SATB1: variants seen among roughly 807,000 people sequenced by gnomAD.
The protein encoded by SATB1 is SATB homeobox 1, also known as DNA-binding protein SATB1.
A neutral mutation model predicts 86.9 loss-of-function variants in SATB1; 11 were observed. That is an observed-to-expected ratio of 0.13 (90% CI 0.08 to 0.21). SATB1 has a LOEUF of 0.21. Among genes scored for constraint, SATB1 ranks in the 10% least tolerant of loss-of-function variants. The pLI is 1.00. For missense variants in SATB1, 551 were observed against 937.6 expected, an observed-to-expected ratio of 0.59 and a Z score of 5.39; for synonymous variants, 357 against 357.2, an observed-to-expected ratio of 1.00 and a Z score of 0.01.
At chr3:18,392,653 T>C (rs191402852) in intron 7 of SATB1, among the ~76,000 whole-genome samples, 140 of 152,078 alleles carry the variant, frequency 9.2e-4, no homozygotes, top group Non-Finnish European at 1.6e-3. Flanking sequence ...TGTGGGCTTT[T>C]AACTCAATTC....
chr3:18,409,567 C>G (rs1697725642), intron 5 of SATB1: 1 of 151,958 alleles, frequency 6.6e-6, no homozygotes, highest in African/African-American at 2.4e-5. Context: ...ATGGATCCCA[C>G]CATTACAGTA....
At chr3:18,351,498 G>T in intron 10 of SATB1, 1 of 944,276 alleles carries the variant, frequency 1.1e-6, no homozygotes, top group Non-Finnish European at 1.6e-6. Context: ...GTGAAGGAAG[G>T]GCCAAGGACT....
intron 9 of SATB1, among the ~76,000 whole-genome samples, chr3:18,369,711 TG>T (rs992061278): frequency 2.1e-5 from 2 of 94,858 alleles, no homozygotes; most frequent in South Asian, 3.6e-4. Context: ...CTGTAAGGGA[TG>T]GGGGGGTGGG....
At chr3:18,351,535 C>G (rs773670043) in intron 10 of SATB1, 1 of 656,026 alleles carries the variant, frequency 1.5e-6, no homozygotes, top group Non-Finnish European at 2.6e-6. Flanking sequence ...ATTAAGCTTC[C>G]CTCCCCTCCT....
intron 9 of SATB1, among the ~76,000 whole-genome samples, chr3:18,356,131 C>T (rs960396560): frequency 1.3e-5 from 2 of 151,808 alleles, no homozygotes; most frequent in African/African-American, 4.8e-5. Flanking sequence ...GCTGAAAATG[C>T]CATGCAGATG....
At chr3:18,400,789 T>C (rs1262858370) in intron 5 of SATB1, among the ~76,000 whole-genome samples, 1 of 152,166 alleles carries the variant, frequency 6.6e-6, no homozygotes, top group Non-Finnish European at 1.5e-5. Flanking sequence ...TCAGATAAAA[T>C]TTTCAAATGA....
chr3:18,417,161 C>T, intron 2 of SATB1, 83 bp from the exon 3 acceptor site: 2 of 1,380,230 alleles, frequency 1.4e-6, no homozygotes, highest in Non-Finnish European at 2.0e-6. Flanking sequence ...GAAATATTAG[C>T]CATGAAAATA....
At chr3:18,414,048 T>C (rs188381604) in intron 5 of SATB1, among the ~76,000 whole-genome samples, 1 of 152,116 alleles carries the variant, frequency 6.6e-6, no homozygotes, top group Admixed American at 6.6e-5. Flanking sequence ...GAAATACACT[T>C]TGAGATCTCT....
Position 18,346,026 on chromosome 3 carries a change from A to AACTC in SATB1, c.*3140_*3143dup, listed in dbSNP as rs1167381230. On this transcript the variant is annotated 3_prime_UTR_variant, in exon 11 of 11. Coordinates refer to ENST00000338745, the MANE Select transcript of SATB1 (RefSeq NM_002971.6). ...ACTTTGAAAAAAATCACTTATTTTA[A>AACTC]ACTCAGAATTTCTTAGTACTAAATG... 1 of 152,100 alleles carries AACTC rather than the reference A, an allele frequency of 6.6e-6. No homozygotes were observed. The highest frequency in any genetic ancestry group is 2.4e-5 in the African/African-American group (1 of 41,434). 9.4% of individuals were successfully genotyped at this position (152,100 alleles called of 1,614,324 possible).
At chr3:18,376,275 G>A (rs1253798872) in intron 9 of SATB1, among the ~76,000 whole-genome samples, 1 of 152,106 alleles carries the variant, frequency 6.6e-6, no homozygotes, top group African/African-American at 2.4e-5. Context: ...AATGATGGCG[G>A]GGGTGGGGGT....
chr3:18,409,297 G>A (rs1189565074), intron 5 of SATB1: 1 of 151,968 alleles, frequency 6.6e-6, no homozygotes, highest in African/African-American at 2.4e-5. Flanking sequence ...ATCAAGCTAC[G>A]ATAAAATCCT....
intron 6 of SATB1, 85 bp from the exon 7 acceptor site, chr3:18,395,001 A>G: frequency 8.7e-7 from 1 of 1,148,420 alleles, no homozygotes; most frequent in Non-Finnish European, 1.2e-6. Flanking sequence ...AAATTAAAAA[A>G]GGGTAGGCAC....
At chr3:18,379,644 G>A (rs1414086387) in intron 8 of SATB1, among the ~76,000 whole-genome samples, 1 of 152,182 alleles carries the variant, frequency 6.6e-6, no homozygotes, top group African/African-American at 2.4e-5. Flanking sequence ...CGTACTTAAA[G>A]CATAAATAGG....
At position 18,401,197 on chromosome 3, in the gene SATB1, G is replaced by C. The variant is rs111753443; in HGVS notation, c.640-3907C>G. ...CTGAATATATCCTGGACTCATCAGA[G>C]GGCTGGACACAGACTAGGTGATCAA... On this transcript the variant is annotated intron_variant, in intron 5 of 10. Transcript: ENST00000338745. Among the ~76,000 whole-genome samples the C allele has an allele frequency of 1.8e-3, 274 of 152,286 alleles. 1 individual carries two copies. The highest frequency in any genetic ancestry group is 6.4e-3 in the African/African-American group (267 of 41,564).
chr3:18,414,169 AT>A (rs745709321), intron 5 of SATB1, among the ~76,000 whole-genome samples: 8 of 152,090 alleles, frequency 5.3e-5, no homozygotes, highest in Non-Finnish European at 1.0e-4. Context: ...TCTGGTAAAA[AT>A]CTAGTTGGAC....
intron 9 of SATB1, among the ~76,000 whole-genome samples, chr3:18,374,363 T>A (rs1177966309): frequency 6.6e-6 from 1 of 152,218 alleles, no homozygotes; most frequent in Non-Finnish European, 1.5e-5. Context: ...ACTATTTTTT[T>A]AAACAGTAAA....
rs75275061 is a variant in SATB1, at chr3:18,406,172, C to T, written c.640-8882G>A. On this transcript the variant is annotated intron_variant, in intron 5 of 10. Coordinates refer to ENST00000338745, the MANE Select transcript of SATB1 (RefSeq NM_002971.6). Reference sequence around the variant, plus strand: ...ATGGAATGGCTGAACAGTTATCTACCCTTGCAGCTCTCTCTAAATTCAGGT... The same window carrying T: ...ATGGAATGGCTGAACAGTTATCTACTCTTGCAGCTCTCTCTAAATTCAGGT... Among the ~76,000 whole-genome samples the T allele has an allele frequency of 2.3e-3, 357 of 152,032 alleles. 14 individuals are homozygous for T. The East Asian group carries it at 0.037, about 16-fold the overall frequency.
chr3:18,361,183 G>T (rs548714669), intron 9 of SATB1, among the ~76,000 whole-genome samples: 1 of 151,922 alleles, frequency 6.6e-6, no homozygotes, highest in East Asian at 1.9e-4. Flanking sequence ...AGATCTATTT[G>T]TTAAGAAGTC....
At chr3:18,439,809 C>T (rs1699189957), upstream of SATB1, among the ~76,000 whole-genome samples, 1 of 152,076 alleles carries the variant, frequency 6.6e-6, no homozygotes, top group African/African-American at 2.4e-5. Flanking sequence ...TCAACTTTAA[C>T]AGTATTTTGA....
Sources: gnomAD v4.1 joint callset for allele counts (sites outside exome capture counted in the v4.1 genomes callset) on GRCh38, gnomAD v4.1.1 for gene constraint, MANE v1.5 for transcripts, NCBI Gene and HGNC (gene_info 2026-07-23, HGNC 2026-07-21) for gene names.